Variants in EPHB1 observed in about 807,000 individuals in gnomAD.
EPHB1 encodes EPH receptor B1, also known as ephrin type-B receptor 1.
In EPHB1, 30 loss-of-function variants were observed where a neutral mutation model predicts 94.4. The ratio of observed to expected loss-of-function variants is 0.32; its 90% CI spans 0.24 to 0.43. The LOEUF (loss-of-function observed/expected upper bound fraction) is 0.43. Ranked by LOEUF, EPHB1 falls within the 20% of genes least tolerant of loss-of-function variation. The pLI is 1.00. For missense variants in EPHB1, 1,055 were observed against 1,308.3 expected (o/e 0.81, Z 2.99); for synonymous variants, 522 against 489.1 (o/e 1.07, Z -0.89).
At chr3:135,056,210 GGTGGCTACCACT>G (rs1937342828) in intron 3 of EPHB1, among the ~76,000 whole-genome samples, 1 of 152,230 alleles carries the variant, frequency 6.6e-6, no homozygotes, top group Non-Finnish European at 1.5e-5. Context: ...CCATAGGGCT[GGTGGCTACCACT>G]GTGCATGAAG....
chr3:135,102,909 A>G (rs976346925), intron 3 of EPHB1, among the ~76,000 whole-genome samples: 1 of 152,192 alleles, frequency 6.6e-6, no homozygotes, highest in East Asian at 1.9e-4. Context: ...TCTCACTCAT[A>G]AGTAGGAGTT....
intron 1 of EPHB1, among the ~76,000 whole-genome samples, chr3:134,890,504 T>G (rs1683013073): frequency 6.6e-6 from 1 of 152,234 alleles, no homozygotes; most frequent in Non-Finnish European, 1.5e-5. Flanking sequence ...CTTTGTACAT[T>G]TCTGAGAATT....
chr3:134,914,076 T>C (rs1412949251), intron 1 of EPHB1, among the ~76,000 whole-genome samples: 1 of 152,084 alleles, frequency 6.6e-6, no homozygotes, highest in South Asian at 2.1e-4. Context: ...GATGGCTAAG[T>C]TGGGTTTCTC....
chr3:134,854,013 C>T (rs2037050576), intron 1 of EPHB1, among the ~76,000 whole-genome samples: 2 of 152,130 alleles, frequency 1.3e-5, no homozygotes, highest in Non-Finnish European at 2.9e-5. Flanking sequence ...TGTGAGCAGG[C>T]ACACATGTTC....
chr3:135,023,429 G>GT (rs1936045032), intron 3 of EPHB1, among the ~76,000 whole-genome samples: 1 of 152,134 alleles, frequency 6.6e-6, no homozygotes, highest in Admixed American at 6.5e-5. Flanking sequence ...TTAGATGCCA[G>GT]TAGCACCCCC....
At chr3:134,975,925 G>A (rs984173701) in intron 3 of EPHB1, among the ~76,000 whole-genome samples, 2 of 151,996 alleles carry the variant, frequency 1.3e-5, no homozygotes, top group African/African-American at 2.4e-5. Context: ...CACTAGATGA[G>A]GATATAGGAT....
At chr3:135,237,648 A>G (rs561453357) in intron 12 of EPHB1, among the ~76,000 whole-genome samples, 1 of 152,322 alleles carries the variant, frequency 6.6e-6, no homozygotes, top group Admixed American at 6.5e-5. Context: ...TGCCAGGGAC[A>G]GTGCTCTCCC....
At chr3:134,983,423 A>G (rs1934482909) in intron 3 of EPHB1, among the ~76,000 whole-genome samples, 1 of 152,214 alleles carries the variant, frequency 6.6e-6, no homozygotes, top group Non-Finnish European at 1.5e-5. Flanking sequence ...TCACCTCTTC[A>G]GTTCTCATCA....
At chr3:134,937,990 T>A (rs1040532213) in intron 2 of EPHB1, among the ~76,000 whole-genome samples, 2 of 147,028 alleles carry the variant, frequency 1.4e-5, no homozygotes, top group Non-Finnish European at 3.0e-5. Flanking sequence ...GGGTGGGCGA[T>A]GAGTTGGGGA....
At chr3:135,221,250 T>C (rs1262446736) in intron 12 of EPHB1, among the ~76,000 whole-genome samples, 1 of 152,210 alleles carries the variant, frequency 6.6e-6, no homozygotes, top group Non-Finnish European at 1.5e-5. Flanking sequence ...CCAATTTTCT[T>C]CCCATTGCAT....
At chr3:134,815,766 G>A (rs2036257783) in intron 1 of EPHB1, among the ~76,000 whole-genome samples, 1 of 152,028 alleles carries the variant, frequency 6.6e-6, no homozygotes, top group South Asian at 2.1e-4. Context: ...TCTTTGATGG[G>A]GTCATATATC....
intron 9 of EPHB1, among the ~76,000 whole-genome samples, chr3:135,173,110 C>T (rs1293805010): frequency 6.6e-6 from 1 of 150,446 alleles, no homozygotes; most frequent in Non-Finnish European, 1.5e-5. Flanking sequence ...TCTCAGCTCA[C>T]TGCAAGCTCC....
intron 1 of EPHB1, among the ~76,000 whole-genome samples, 197 bp downstream of exon 1, chr3:134,795,886 T>G (rs1263835621): frequency 6.6e-6 from 1 of 152,076 alleles, no homozygotes; most frequent in African/African-American, 2.4e-5. Context: ...CCCGGCTGGC[T>G]CTTAGCGCCC....
At chr3:134,868,753 A>G (rs962944931) in intron 1 of EPHB1, among the ~76,000 whole-genome samples, 10 of 152,320 alleles carry the variant, frequency 6.6e-5, no homozygotes, top group South Asian at 2.1e-4. Context: ...AAATTATGGG[A>G]AAAAAAGCTG....
chr3:135,139,072 C>T (rs749790443), intron 5 of EPHB1, among the ~76,000 whole-genome samples: 2 of 152,216 alleles, frequency 1.3e-5, no homozygotes, highest in East Asian at 1.9e-4. Flanking sequence ...CGCACAATGC[C>T]AGGCACAGAG....
At chr3:135,214,872 C>T (rs1559877660) in intron 12 of EPHB1, among the ~76,000 whole-genome samples, 1 of 152,168 alleles carries the variant, frequency 6.6e-6, no homozygotes. Context: ...ACTTTCTTTC[C>T]CAGCATGGTG....
chr3:135,156,135 G>A (rs1417618933), intron 6 of EPHB1, among the ~76,000 whole-genome samples: 2 of 151,964 alleles, frequency 1.3e-5, no homozygotes, highest in Admixed American at 6.6e-5. Context: ...ACTGTGGGTA[G>A]AGCATATCTG....
chr3:135,193,695 T>C (rs1009836399), intron 11 of EPHB1, among the ~76,000 whole-genome samples: 1 of 152,130 alleles, frequency 6.6e-6, no homozygotes, highest in African/African-American at 2.4e-5. Context: ...AACCAAACAA[T>C]AGCTGTGGCT....
intron 3 of EPHB1, among the ~76,000 whole-genome samples, chr3:135,046,169 A>C (rs918394080): frequency 1.3e-5 from 2 of 152,202 alleles, no homozygotes; most frequent in African/African-American, 4.8e-5. Context: ...TCTCTGTGTT[A>C]ATATGTAATG....
Sources: gnomAD v4.1 joint callset for allele counts (sites outside exome capture counted in the v4.1 genomes callset) on GRCh38, gnomAD v4.1.1 for gene constraint, MANE v1.5 for transcripts, NCBI Gene and HGNC (gene_info 2026-07-23, HGNC 2026-07-21) for gene names.